ADAM22: variants seen among roughly 807,000 people sequenced by gnomAD.
ADAM22 encodes the protein ADAM metallopeptidase domain 22.
Under a neutral mutation model 144.6 loss-of-function variants are expected in ADAM22, and 65 were observed. That is an observed-to-expected ratio of 0.45 (90% CI 0.37 to 0.55). ADAM22 has a LOEUF of 0.55. Among genes scored for constraint, ADAM22 ranks in the 20% least tolerant of loss-of-function variants. The probability of loss-of-function intolerance (pLI) is 0.00; values close to 1 mark genes in which losing one functional copy is unlikely to be tolerated. For synonymous variants in ADAM22, 391 were observed against 412.6 expected (o/e 0.95, Z 0.63); for missense variants, 974 against 1,184.9 (o/e 0.82, Z 2.61).
intron 3 of ADAM22, among the ~76,000 whole-genome samples, chr7:88,058,462 T>C (rs1808871160): frequency 6.6e-6 from 1 of 152,228 alleles, no homozygotes; most frequent in Admixed American, 6.5e-5. Flanking sequence ...TGTTTAAATA[T>C]TCTTAATAGG....
intron 3 of ADAM22, among the ~76,000 whole-genome samples, chr7:88,074,591 C>T (rs143469944): frequency 2.5e-3 from 384 of 152,278 alleles, no homozygotes; most frequent in African/African-American, 8.8e-3. Context: ...CAGCTGAGAG[C>T]GTGCTAGCTG....
intron 3 of ADAM22, among the ~76,000 whole-genome samples, chr7:88,052,811 C>A (rs1806877724): frequency 6.6e-6 from 1 of 152,188 alleles, no homozygotes; most frequent in African/African-American, 2.4e-5. Flanking sequence ...TTGCTCTTCA[C>A]TTGTGTTGGT....
At chr7:88,001,462 A>G (rs1792536709) in intron 3 of ADAM22, among the ~76,000 whole-genome samples, 1 of 152,226 alleles carries the variant, frequency 6.6e-6, no homozygotes, top group African/African-American at 2.4e-5. Context: ...CTCAATCTGC[A>G]TAAGCTTTTG....
At chr7:87,938,467 C>T (rs1279775776) in intron 2 of ADAM22, among the ~76,000 whole-genome samples, 2 of 151,766 alleles carry the variant, frequency 1.3e-5, no homozygotes, top group Non-Finnish European at 2.9e-5. Context: ...GATCCTCCCA[C>T]CTCGGCCACC....
At chr7:88,124,238 T>C (rs1829930986) in intron 7 of ADAM22, among the ~76,000 whole-genome samples, 1 of 151,998 alleles carries the variant, frequency 6.6e-6, no homozygotes, top group African/African-American at 2.4e-5. Context: ...ACTTTGAATT[T>C]GTCTATTTCT....
chr7:87,973,502 A>T (rs1274601865), intron 2 of ADAM22, among the ~76,000 whole-genome samples: 3 of 152,048 alleles, frequency 2.0e-5, no homozygotes, highest in Non-Finnish European at 4.4e-5. Context: ...ACTGTAAACT[A>T]GTTCAACCAT....
At chr7:88,177,172 T>C (rs1845889786) in intron 26 of ADAM22, among the ~76,000 whole-genome samples, 1 of 152,186 alleles carries the variant, frequency 6.6e-6, no homozygotes, top group Non-Finnish European at 1.5e-5. Flanking sequence ...GATATTATTA[T>C]TGGAAATGTG....
chr7:88,081,250 T>C (rs1440239403), intron 4 of ADAM22, among the ~76,000 whole-genome samples: 4 of 152,110 alleles, frequency 2.6e-5, no homozygotes, highest in Non-Finnish European at 5.9e-5. Context: ...CACATGATTA[T>C]CTCAATAGAT....
chr7:87,971,019 A>G (rs889881384), intron 2 of ADAM22, among the ~76,000 whole-genome samples: 1 of 152,170 alleles, frequency 6.6e-6, no homozygotes, highest in Non-Finnish European at 1.5e-5. Context: ...TACTGCAAGC[A>G]CATACTTTAC....
intron 2 of ADAM22, among the ~76,000 whole-genome samples, chr7:87,977,235 CT>C (rs910149813): frequency 1.3e-5 from 2 of 152,030 alleles, no homozygotes; most frequent in Non-Finnish European, 1.5e-5. Context: ...TCCAAAAAGT[CT>C]TATTATTATT....
intron 2 of ADAM22, among the ~76,000 whole-genome samples, chr7:87,939,078 A>G (rs1032903903): frequency 1.3e-5 from 2 of 152,246 alleles, no homozygotes; most frequent in Non-Finnish European, 2.9e-5. Context: ...GTGGGTGAAT[A>G]AACAGTTATA....
At chr7:87,954,233 A>C (rs1050652042) in intron 2 of ADAM22, among the ~76,000 whole-genome samples, 1 of 149,826 alleles carries the variant, frequency 6.7e-6, no homozygotes, top group Admixed American at 6.6e-5. Flanking sequence ...GTTTCTTCCT[A>C]GTCTCGATGG....
At chr7:88,100,997 G>T (rs931463337) in intron 4 of ADAM22, among the ~76,000 whole-genome samples, 2 of 150,554 alleles carry the variant, frequency 1.3e-5, no homozygotes, top group African/African-American at 2.4e-5. Context: ...TATACCCTTG[G>T]GGGGAATCTA....
intron 3 of ADAM22, among the ~76,000 whole-genome samples, chr7:88,042,389 T>C (rs1462578493): frequency 2.0e-5 from 3 of 150,916 alleles, no homozygotes; most frequent in African/African-American, 4.8e-5. Flanking sequence ...ATCTGGTATA[T>C]AGCTGGTATG....
At chr7:88,055,161 C>T (rs1010988804) in intron 3 of ADAM22, among the ~76,000 whole-genome samples, 1 of 151,554 alleles carries the variant, frequency 6.6e-6, no homozygotes, top group African/African-American at 2.4e-5. Context: ...CTCAACTATC[C>T]TTTGTTCTCA....
intron 26 of ADAM22, among the ~76,000 whole-genome samples, chr7:88,176,992 C>T (rs1403163037): frequency 1.3e-5 from 2 of 152,104 alleles, no homozygotes; most frequent in Non-Finnish European, 2.9e-5. Context: ...CTCCAACTCC[C>T]AACCTCAAGT....
rs990327739 is a variant in ADAM22 at position 88,200,656 on chromosome 7, T to C, written c.*4165T>C. The C allele has an allele frequency of 6.6e-6, 1 of 152,242 alleles. No homozygotes were observed. The highest frequency in any genetic ancestry group is 1.5e-5 in the Non-Finnish European group (1 of 68,044). The allele number at this position is 152,242 out of a possible 1,614,324, so 9.4% of individuals were successfully genotyped here. A position where few individuals can be genotyped will look rare whatever the true frequency, so the allele number is the denominator to read the frequency against. ...AACTGCCACCTAAATACCTTTCCAC[T>C]CCGTTAAATGTATGGAGTCAAGATA... On this transcript the variant is annotated 3_prime_UTR_variant, in exon 32 of 32. Transcript: ENST00000413139.
Position 88,181,958 on chromosome 7 carries a change from G to A in ADAM22, c.2597G>A (p.Gly866Asp). Residue 866 changes from glycine (G) to aspartate (D), a missense_variant and splice_region_variant, in exon 29 of 32, where the codon GGT (glycine) becomes GAT (aspartate). Around this residue, in one of 2 missense-constraint regions of ADAM22, gnomAD observed 734 missense variants for 950.6 expected, o/e 0.77. Coordinates refer to ENST00000413139, the MANE Select transcript of ADAM22 (RefSeq NM_001324418.2). ...TCTAGCTCTAAACCGTCTTTTTCAG[G>A]TAACCTGGGAGGCAACAAAAAGAAA... ...NGRPRSNSWQ[G>D]NLGGNKKKIR... 6.2e-7 allele frequency: 1 copy of A among 1,612,968 alleles called. No individual in the cohort carries two copies. Among genetic ancestry groups the A allele is most frequent in the Non-Finnish European group, 8.5e-7 (1 of 1,179,504 alleles).
chr7:87,982,107 A>ACG (rs1562914642), intron 3 of ADAM22, among the ~76,000 whole-genome samples: 5 of 125,092 alleles, frequency 4.0e-5, no homozygotes, highest in Admixed American at 2.4e-4. Context: ...ACACACACAC[A>ACG]CATGCATACA....
Sources: gnomAD v4.1 joint callset for allele counts (sites outside exome capture counted in the v4.1 genomes callset) on GRCh38, gnomAD v4.1.1 for gene constraint, gnomAD v4.1.1 regional missense constraint, MANE v1.5 for transcripts, NCBI Gene and HGNC (gene_info 2026-07-23, HGNC 2026-07-21) for gene names.